Variants in PLSCR2 observed in about 807,000 individuals in gnomAD.
PLSCR2 encodes the protein phospholipid scramblase 2, also known as PL scramblase 2.
PLSCR2 carries 18 observed loss-of-function variants against 25.3 expected under a neutral mutation model. That is an observed-to-expected ratio of 0.71 (90% CI 0.49 to 1.06). PLSCR2 has a LOEUF of 1.06. Ranked by LOEUF, PLSCR2 falls within the 50% of genes least tolerant of loss-of-function variation. The pLI is 0.00. For missense variants in PLSCR2, 243 were observed against 269.5 expected (o/e 0.90, Z 0.69); for synonymous variants, 88 against 87.3 (o/e 1.01, Z -0.04).
chr3:146,469,788 A>G lies in PLSCR2; in HGVS notation c.-292-9504T>C, dbSNP rs5853276. Among the ~76,000 whole-genome samples the G allele has an allele frequency of 3.4e-3, 390 of 114,834 alleles. 2 individuals carry two copies. The highest frequency in any genetic ancestry group is 0.012 in the African/African-American group (359 of 31,072). The allele number at this position is 114,834 out of a possible 152,430, so 75.3% of individuals were successfully genotyped here. On this transcript the variant is annotated intron_variant, in intron 1 of 8. Coordinates refer to the PLSCR2 transcript ENST00000336685. ...GGGGCGCGACTGCACCCACCCCCCCACGCCGTGTGCGACGCGCAGCTGCCG... is the reference window on the plus strand; with the variant it reads ...GGGGCGCGACTGCACCCACCCCCCCGCGCCGTGTGCGACGCGCAGCTGCCG...
intron 1 of PLSCR2, among the ~76,000 whole-genome samples, chr3:146,489,741 A>G (rs2043476090): frequency 6.6e-6 from 1 of 152,110 alleles, no homozygotes; most frequent in South Asian, 2.1e-4. Flanking sequence ...GTGATCTCTC[A>G]TAAGGACCTT....
At chr3:146,449,253 G>C (rs1189247857) in exon 6 of PLSCR2, 3 of 1,612,914 alleles carry the variant, frequency 1.9e-6, no homozygotes, top group South Asian at 1.1e-5. Context: ...TTAACATCAA[G>C]GTCTCTAGGG....
At chr3:146,440,921 A>G (rs186138735), downstream of PLSCR2, among the ~76,000 whole-genome samples, 28 of 152,290 alleles carry the variant, frequency 1.8e-4, no homozygotes, top group East Asian at 5.4e-3. Flanking sequence ...CACCTGATTA[A>G]TCTTGTAACT....
intron 8 of PLSCR2, among the ~76,000 whole-genome samples, chr3:146,434,694 T>G (rs2039722361): frequency 1.3e-5 from 2 of 152,056 alleles, no homozygotes; most frequent in Admixed American, 1.3e-4. Context: ...TCATTTCACT[T>G]TGTTTTATTT....
At chr3:146,407,747 A>G (rs1052330751) in intron 2 of PLSCR2, among the ~76,000 whole-genome samples, 1 of 152,028 alleles carries the variant, frequency 6.6e-6, no homozygotes, top group Non-Finnish European at 1.5e-5. Flanking sequence ...AGGGTGATCA[A>G]TTCAGCTTTT....
chr3:146,433,101 T>A (rs551698772), downstream of PLSCR2, among the ~76,000 whole-genome samples: 106 of 152,280 alleles, frequency 7.0e-4, no homozygotes, highest in African/African-American at 2.4e-3. Context: ...ATTTTTTAAT[T>A]TATTGTGTTA....
At chr3:146,492,705 A>C (rs1394607981) in intron 1 of PLSCR2, among the ~76,000 whole-genome samples, 1 of 152,098 alleles carries the variant, frequency 6.6e-6, no homozygotes, top group African/African-American at 2.4e-5. Flanking sequence ...GAAAGTACTC[A>C]AATTAACAAG....
intron 3 of PLSCR2, among the ~76,000 whole-genome samples, chr3:146,392,549 A>G (rs558737250): frequency 6.6e-6 from 1 of 152,090 alleles, no homozygotes; most frequent in East Asian, 1.9e-4. Flanking sequence ...TTAATTAAAT[A>G]TCATTTTTAT....
At chr3:146,445,365 C>T (rs1458217144) in intron 6 of PLSCR2, among the ~76,000 whole-genome samples, 1 of 152,130 alleles carries the variant, frequency 6.6e-6, no homozygotes, top group Non-Finnish European at 1.5e-5. Context: ...TGAAATTCCT[C>T]AGCTTTTGTT....
intron 1 of PLSCR2, among the ~76,000 whole-genome samples, chr3:146,491,841 T>G (rs2043563233): frequency 6.6e-6 from 1 of 152,200 alleles, no homozygotes; most frequent in African/African-American, 2.4e-5. Flanking sequence ...GTCTGTCACT[T>G]CAGCCATTTC....
intron 6 of PLSCR2, among the ~76,000 whole-genome samples, chr3:146,445,082 TTTG>T (rs771198823): frequency 2.6e-5 from 4 of 152,208 alleles, no homozygotes; most frequent in South Asian, 4.1e-4. Flanking sequence ...CATTTTTAAA[TTTG>T]TTGTTGTTTC....
At chr3:146,486,760 C>T (rs996463669) in intron 1 of PLSCR2, among the ~76,000 whole-genome samples, 1 of 152,072 alleles carries the variant, frequency 6.6e-6, no homozygotes, top group South Asian at 2.1e-4. Context: ...TGGTACCATT[C>T]GTTCTGAAAC....
chr3:146,484,711 A>C (rs755588253), intron 1 of PLSCR2, among the ~76,000 whole-genome samples: 21 of 152,162 alleles, frequency 1.4e-4, no homozygotes, highest in Non-Finnish European at 2.2e-4. Context: ...ACAAAGGAGA[A>C]ATAAAATTCC....
At chr3:146,431,240 A>G (rs1378192594), downstream of PLSCR2, among the ~76,000 whole-genome samples, 1 of 152,236 alleles carries the variant, frequency 6.6e-6, no homozygotes, top group African/African-American at 2.4e-5. Context: ...ACTTAAGGCA[A>G]GGGGCCATGA....
At chr3:146,444,349 G>T (rs1432965011) in intron 6 of PLSCR2, among the ~76,000 whole-genome samples, 1 of 151,690 alleles carries the variant, frequency 6.6e-6, no homozygotes, top group Non-Finnish European at 1.5e-5. Flanking sequence ...GTCCAATGCT[G>T]AAAAGTAGGG....
At chr3:146,450,061 C>A (rs1221111389) in intron 5 of PLSCR2, among the ~76,000 whole-genome samples, 1 of 152,114 alleles carries the variant, frequency 6.6e-6, no homozygotes, top group Non-Finnish European at 1.5e-5. Context: ...TGTAAAAATT[C>A]TGCTGAGGAA....
At chr3:146,493,560 G>T (rs1476501715) in intron 1 of PLSCR2, among the ~76,000 whole-genome samples, 1 of 152,084 alleles carries the variant, frequency 6.6e-6, no homozygotes, top group Admixed American at 6.5e-5. Flanking sequence ...ACATAAAAAA[G>T]GCTTTTGATA....
chr3:146,439,362 A>T (rs1484406051), downstream of PLSCR2, among the ~76,000 whole-genome samples: 1 of 152,166 alleles, frequency 6.6e-6, no homozygotes, highest in East Asian at 1.9e-4. Flanking sequence ...TAATATCCTG[A>T]AGTGTGTTTT....
chr3:146,401,629 T>G (rs1433175402), intron 2 of PLSCR2: 1 of 152,540 alleles, frequency 6.6e-6, no homozygotes, highest in East Asian at 1.9e-4. Flanking sequence ...AGGTATCAAA[T>G]TACCTTCAAA....
Sources: gnomAD v4.1 joint callset for allele counts (sites outside exome capture counted in the v4.1 genomes callset) on GRCh38, gnomAD v4.1.1 for gene constraint, MANE v1.5 for transcripts, NCBI Gene and HGNC (gene_info 2026-07-23, HGNC 2026-07-21) for gene names.